MTHFD2L: variants seen among roughly 807,000 people sequenced by gnomAD.
MTHFD2L encodes the protein methylenetetrahydrofolate dehydrogenase (NADP+ dependent) 2 like.
MTHFD2L carries 29 observed loss-of-function variants against 34.9 expected under a neutral mutation model. The observed-to-expected ratio is 0.83, with a 90% confidence interval of 0.62 to 1.13. The LOEUF (loss-of-function observed/expected upper bound fraction) is 1.13. MTHFD2L is among the 50% of genes most tolerant of loss of function. MTHFD2L has a pLI of 0.00. For synonymous variants in MTHFD2L, 167 were observed against 155.7 expected, an observed-to-expected ratio of 1.07 and a Z score of -0.54; for missense variants, 481 against 446.5, an observed-to-expected ratio of 1.08 and a Z score of -0.70.
intron 1 of MTHFD2L, among the ~76,000 whole-genome samples, chr4:74,162,567 C>CT (rs371150687): frequency 5.5e-5 from 8 of 145,058 alleles, no homozygotes; most frequent in African/African-American, 2.1e-4. Flanking sequence ...TGCCATCATG[C>CT]TTTTAAGGAA....
At chr4:74,184,211 A>T (rs1481956660) in intron 3 of MTHFD2L, among the ~76,000 whole-genome samples, 1 of 152,212 alleles carries the variant, frequency 6.6e-6, no homozygotes, top group Non-Finnish European at 1.5e-5. Flanking sequence ...TAATGTAAAT[A>T]ATCCAATTAA....
At chr4:74,252,919 A>G (rs1743511940) in intron 6 of MTHFD2L, among the ~76,000 whole-genome samples, 1 of 152,142 alleles carries the variant, frequency 6.6e-6, no homozygotes, top group African/African-American at 2.4e-5. Flanking sequence ...ATTTTTAGAT[A>G]CATATATTAA....
At chr4:74,276,406 G>C (rs1488559105) in intron 6 of MTHFD2L, among the ~76,000 whole-genome samples, 1 of 152,008 alleles carries the variant, frequency 6.6e-6, no homozygotes, top group Non-Finnish European at 1.5e-5. Flanking sequence ...CACATATAAT[G>C]CTTGAGCCCT....
upstream of MTHFD2L, among the ~76,000 whole-genome samples, chr4:74,119,635 T>C (rs1721716540): frequency 6.6e-6 from 1 of 151,942 alleles, no homozygotes; most frequent in Non-Finnish European, 1.5e-5. Flanking sequence ...TACAAAAAAT[T>C]AGCCGGGCAT....
At chr4:74,301,276 A>G (rs1247352883) in intron 7 of MTHFD2L, among the ~76,000 whole-genome samples, 1 of 152,106 alleles carries the variant, frequency 6.6e-6, no homozygotes, top group Non-Finnish European at 1.5e-5. Flanking sequence ...TGATATTGTT[A>G]TAACAGGAAT....
chr4:74,214,945 C>T lies in MTHFD2L; in HGVS notation c.713-10357C>T, dbSNP rs896712642. On this transcript the variant is annotated intron_variant, in intron 5 of 7. Transcript: ENST00000325278. ...TAGTGAGACAGTCTGGCTACAGCAG[C>T]TTTGTTGGCTCCGCCTCCTTCAAAC... Among the ~76,000 whole-genome samples the T allele has an allele frequency of 1.3e-4, 19 of 151,792 alleles. 1 individual carries two copies. The highest frequency in any genetic ancestry group is 4.6e-4 in the African/African-American group (19 of 41,080).
intron 5 of MTHFD2L, among the ~76,000 whole-genome samples, chr4:74,203,097 T>C (rs1734721410): frequency 6.6e-6 from 1 of 152,162 alleles, no homozygotes; most frequent in African/African-American, 2.4e-5. Flanking sequence ...TTGAATAATA[T>C]TTTCCCTTTC....
At chr4:74,262,039 G>A (rs191041348) in intron 6 of MTHFD2L, among the ~76,000 whole-genome samples, 4 of 131,200 alleles carry the variant, frequency 3.0e-5, no homozygotes, top group Non-Finnish European at 6.1e-5. Flanking sequence ...TAAAGCATAG[G>A]CATAAGAAAA....
intron 6 of MTHFD2L, among the ~76,000 whole-genome samples, chr4:74,275,637 C>G (rs1746517570): frequency 6.6e-6 from 1 of 152,014 alleles, no homozygotes; most frequent in African/African-American, 2.4e-5. Context: ...AATTGCCTTT[C>G]TGCCTGGTGT....
chr4:74,194,586 G>C (rs1192215810), intron 3 of MTHFD2L: 3 of 152,140 alleles, frequency 2.0e-5, no homozygotes, highest in African/African-American at 7.2e-5. Context: ...AGTGTGGTCA[G>C]AATTGTCCTC....
intron 1 of MTHFD2L, among the ~76,000 whole-genome samples, chr4:74,158,685 T>C (rs1724725307): frequency 1.3e-5 from 2 of 152,358 alleles, no homozygotes; most frequent in South Asian, 4.1e-4. Context: ...AATGTTTGCG[T>C]TTCTGAATTC....
chr4:74,167,538 C>T (rs763477578), intron 1 of MTHFD2L, among the ~76,000 whole-genome samples: 8 of 152,192 alleles, frequency 5.3e-5, no homozygotes, highest in Non-Finnish European at 1.0e-4. Context: ...AAACCAGGTA[C>T]TGTGGGAGCT....
intron 1 of MTHFD2L, among the ~76,000 whole-genome samples, chr4:74,147,093 G>T (rs977899409): frequency 2.6e-5 from 4 of 152,004 alleles, no homozygotes; most frequent in Non-Finnish European, 4.4e-5. Flanking sequence ...GTTTGCTGTT[G>T]TTTCTTGTGG....
intron 6 of MTHFD2L, chr4:74,266,860 G>A (rs1451030086): frequency 3.6e-5 from 35 of 985,156 alleles, no homozygotes; most frequent in Non-Finnish European, 4.2e-5. Context: ...GGGAATACTA[G>A]GGATTGTAAA....
chr4:74,254,359 A>G (rs1297196600), intron 6 of MTHFD2L, among the ~76,000 whole-genome samples: 1 of 152,188 alleles, frequency 6.6e-6, no homozygotes, highest in Non-Finnish European at 1.5e-5. Flanking sequence ...CAAATGTCAA[A>G]TGCAAAAAAG....
At chr4:74,270,116 G>T (rs567952700) in intron 6 of MTHFD2L, among the ~76,000 whole-genome samples, 17 of 151,876 alleles carry the variant, frequency 1.1e-4, no homozygotes, top group South Asian at 6.2e-4. Context: ...GTTAGTTTTA[G>T]TCATTAGCTA....
At chr4:74,153,996 T>A (rs1394555160), upstream of MTHFD2L, among the ~76,000 whole-genome samples, 1 of 152,212 alleles carries the variant, frequency 6.6e-6, no homozygotes, top group African/African-American at 2.4e-5. Context: ...TCACATTATA[T>A]TTAGTTGTCA....
intron 1 of MTHFD2L, among the ~76,000 whole-genome samples, chr4:74,144,849 A>G (rs1021571558): frequency 6.6e-6 from 1 of 152,144 alleles, no homozygotes; most frequent in Non-Finnish European, 1.5e-5. Flanking sequence ...ATCAATACCT[A>G]TATAGAGACT....
chr4:74,252,682 A>G (rs1377556572), intron 6 of MTHFD2L, among the ~76,000 whole-genome samples: 1 of 152,186 alleles, frequency 6.6e-6, no homozygotes, highest in Non-Finnish European at 1.5e-5. Flanking sequence ...CTTCTGGAGT[A>G]ATAAACTGAA....
Sources: allele counts gnomAD v4.1 joint callset (sites outside exome capture counted in the v4.1 genomes callset), GRCh38; gene constraint gnomAD v4.1.1; transcripts MANE v1.5; gene names NCBI Gene and HGNC (gene_info 2026-07-23, HGNC 2026-07-21).